Variants in CLEC2L observed in about 807,000 individuals in gnomAD.
CLEC2L encodes C-type lectin domain family 2 member L.
A neutral mutation model predicts 23.6 loss-of-function variants in CLEC2L; 14 were observed. The ratio of observed to expected loss-of-function variants is 0.59; its 90% CI spans 0.39 to 0.93. The LOEUF (loss-of-function observed/expected upper bound fraction) is 0.93, where lower values mean the gene tolerates loss of function less well. Ranked by LOEUF, CLEC2L falls within the 40% of genes least tolerant of loss-of-function variation. CLEC2L has a pLI of 0.00. For missense variants in CLEC2L, 264 were observed against 282.4 expected, an observed-to-expected ratio of 0.93 and a Z score of 0.47; for synonymous variants, 114 against 121.3, an observed-to-expected ratio of 0.94 and a Z score of 0.40.
chr7:139,524,622 C>T (rs1267349340), intron 1 of CLEC2L, among the ~76,000 whole-genome samples: 1 of 152,156 alleles, frequency 6.6e-6, no homozygotes, highest in African/African-American at 2.4e-5. Flanking sequence ...AGAGGCTCTT[C>T]CTTGCAAGGT....
At chr7:139,538,751 AAAAAC>A (rs777508963) in intron 2 of CLEC2L, among the ~76,000 whole-genome samples, 4,606 of 120,574 alleles carry the variant, frequency 0.038, 123 homozygotes, top group Non-Finnish European at 0.057. Flanking sequence ...TCCATCTCAA[AAAAAC>A]AAAACAAAAC....
At position 139,541,974 on chromosome 7, in the gene CLEC2L, C is replaced by T. The variant is rs1037826464; in HGVS notation, c.433-47C>T. ...GTTTGTCTTGGGATGTGACAGCAGT[C>T]AGGAGACCGCATCTGACCCTGAGGT... On this transcript the variant is annotated intron_variant, in intron 3 of 4. Transcript: ENST00000422142. The T allele has an allele frequency of 3.0e-6, 4 of 1,319,148 alleles. No homozygotes were observed. In the African/African-American group the frequency reaches 5.8e-5, roughly 19 times the overall value. 81.7% of individuals were successfully genotyped at this position (1,319,148 alleles called of 1,614,324 possible).
intron 1 of CLEC2L, among the ~76,000 whole-genome samples, chr7:139,524,486 C>T (rs143979217): frequency 5.9e-5 from 9 of 152,226 alleles, no homozygotes; most frequent in Middle Eastern, 3.4e-3. Flanking sequence ...GTCGTGAACA[C>T]GCTTCGAGTA....
At chr7:139,536,408 G>A (rs368254337) in intron 2 of CLEC2L, 60 bp downstream of exon 2, 29 of 1,392,616 alleles carry the variant, frequency 2.1e-5, no homozygotes, top group South Asian at 8.7e-5. Context: ...TTAAAAGCAC[G>A]TCTAATTAGT....
intron 1 of CLEC2L, chr7:139,534,473 A>G (rs1797624677): frequency 1.3e-6 from 1 of 787,096 alleles, no homozygotes; most frequent in Non-Finnish European, 2.3e-6. Flanking sequence ...ATACCCAGAC[A>G]TACCAGCCTT....
chr7:139,540,206 C>T lies in CLEC2L; in HGVS notation c.266-115C>T. 9.8e-7 allele frequency: 1 copy of T among 1,015,348 alleles called. No individual in the cohort carries two copies. Among genetic ancestry groups the T allele is most frequent in the Non-Finnish European group, 1.4e-6 (1 of 693,320 alleles). The allele number at this position is 1,015,348 out of a possible 1,614,324, so 62.9% of individuals were successfully genotyped here. A position where few individuals can be genotyped will look rare whatever the true frequency, so the allele number is the denominator to read the frequency against. Reference sequence around the variant, plus strand: ...TCCAGGCACCAGGAGAGGACAGCCACATCTGCAGTGTCCCTGCAGGACGCC... The same window carrying T: ...TCCAGGCACCAGGAGAGGACAGCCATATCTGCAGTGTCCCTGCAGGACGCC... On this transcript the variant is annotated intron_variant, in intron 2 of 4. Coordinates refer to ENST00000422142, the MANE Select transcript of CLEC2L (RefSeq NM_001080511.4). This position sits in a 1 kb window ranked among gnomAD's most constrained non-coding sequence, Gnocchi z 5.8.
intron 3 of CLEC2L, among the ~76,000 whole-genome samples, 171 bp from the exon 4 acceptor site, chr7:139,541,850 G>A (rs1797739699): frequency 6.6e-6 from 1 of 152,220 alleles, no homozygotes; most frequent in African/African-American, 2.4e-5. Context: ...TGACTGCAGA[G>A]GATCCTGTAA....
At chr7:139,528,932 G>A (rs1471404790) in intron 1 of CLEC2L, among the ~76,000 whole-genome samples, 2 of 152,206 alleles carry the variant, frequency 1.3e-5, no homozygotes, top group Admixed American at 6.5e-5. Context: ...TACATGTACC[G>A]ATCCCTCTTC....
intron 1 of CLEC2L, among the ~76,000 whole-genome samples, chr7:139,532,936 T>A (rs1409341841): frequency 6.6e-6 from 1 of 152,182 alleles, no homozygotes; most frequent in Non-Finnish European, 1.5e-5. Context: ...TCCGATATTG[T>A]CTCATCATGA....
At chr7:139,542,738 G>A (rs1797754998) in intron 4 of CLEC2L, among the ~76,000 whole-genome samples, 1 of 152,200 alleles carries the variant, frequency 6.6e-6, no homozygotes, top group Non-Finnish European at 1.5e-5. Context: ...TAAGACTCAA[G>A]TGGAGTGGAT....
chr7:139,540,436 C>T lies in CLEC2L; in HGVS notation c.381C>T (p.Tyr127=), dbSNP rs1482818860. ...EPRDWNTGRQ[Y]CHTHEAVLAV... is the part of the protein sequence containing the mutation. ...GAGACTGGAACACAGGCAGGCAGTACTGCCACACCCACGAGGCGGTGCTGG... is the reference window on the plus strand; with the variant it reads ...GAGACTGGAACACAGGCAGGCAGTATTGCCACACCCACGAGGCGGTGCTGG... Residue 127 remains tyrosine (Y), a synonymous_variant, in exon 3 of 5, where the codon TAC becomes TAT. Transcript: ENST00000422142. The surrounding 1 kb of genome is among the most constrained non-coding windows in gnomAD (Gnocchi z 5.8). The T allele has an allele frequency of 1.2e-6, 2 of 1,604,924 alleles. No individual in the cohort carries two copies. The highest frequency in any genetic ancestry group is 2.7e-5 in the African/African-American group (2 of 74,746).
At position 139,523,831 on chromosome 7, in the gene CLEC2L, G is replaced by C. The variant is rs1428270309; in HGVS notation, c.-97G>C. 1.2e-6 allele frequency: 1 copy of C among 831,212 alleles called. No individual in the cohort carries two copies. Among genetic ancestry groups the C allele is most frequent in the Non-Finnish European group, 1.4e-6 (1 of 691,592 alleles). The allele number at this position is 831,212 out of a possible 1,614,324, so 51.5% of individuals were successfully genotyped here. A position where few individuals can be genotyped will look rare whatever the true frequency, so the allele number is the denominator to read the frequency against. ...GTCCTAGCCCACCCGAGGCCGGCCT[G>C]GGGGGCCCGCAGGGCGCGCGGAGCG... On this transcript the variant is annotated 5_prime_UTR_variant, in exon 1 of 5. Coordinates refer to ENST00000422142, the MANE Select transcript of CLEC2L (RefSeq NM_001080511.4). This position sits in a 1 kb window ranked among gnomAD's most constrained non-coding sequence, Gnocchi z 4.1.
chr7:139,533,893 A>G (rs1426818224), intron 1 of CLEC2L, among the ~76,000 whole-genome samples: 1 of 152,236 alleles, frequency 6.6e-6, no homozygotes. Flanking sequence ...ATTGAGCTGC[A>G]GAGGCACTGT....
chr7:139,541,990 A>G (rs1797741229), intron 3 of CLEC2L, 31 bp from the exon 4 acceptor site: 1 of 1,495,990 alleles, frequency 6.7e-7, no homozygotes, highest in Non-Finnish European at 9.2e-7. Flanking sequence ...ACCGCATCTG[A>G]CCCTGAGGTG....
chr7:139,536,324 A>C lies in CLEC2L; in HGVS notation c.241A>C (p.Ile81Leu). Reference protein sequence around the residue: ...LGAIAVLLFAILVVMSILASK... With the variant: ...LGAIAVLLFALLVVMSILASK... The stretch of plus-strand genomic sequence containing the variant: ...TGCCATCGCGGTCCTTCTGTTCGCC[A>C]TCTTGGTGGTGATGAGCATCTTGGG... Residue 81 changes from isoleucine (I) to leucine (L), a missense_variant, in exon 2 of 5, where the codon ATC (isoleucine) becomes CTC (leucine). Coordinates refer to ENST00000422142, the MANE Select transcript of CLEC2L (RefSeq NM_001080511.4). 2 of 1,551,186 alleles carry C rather than the reference A, an allele frequency of 1.3e-6. No individual in the cohort carries two copies. The highest frequency in any genetic ancestry group is 2.4e-5 in the South Asian group (2 of 84,000).
intron 1 of CLEC2L, among the ~76,000 whole-genome samples, chr7:139,530,070 G>A (rs1202120236): frequency 6.6e-6 from 1 of 151,440 alleles, no homozygotes; most frequent in African/African-American, 2.4e-5. Context: ...TCTAATCCCA[G>A]CTACTCAGGA....
At chr7:139,526,486 A>G (rs953083051) in intron 1 of CLEC2L, among the ~76,000 whole-genome samples, 1 of 151,946 alleles carries the variant, frequency 6.6e-6, no homozygotes, top group African/African-American at 2.4e-5. Flanking sequence ...TGGCTTTTGT[A>G]TTTGTCTCCA....
intron 1 of CLEC2L, chr7:139,534,307 G>T: frequency 6.8e-7 from 1 of 1,461,458 alleles, no homozygotes; most frequent in Non-Finnish European, 9.6e-7. Context: ...TGCTGACTAC[G>T]AATCTGTGAA....
At position 139,540,535 on chromosome 7, in the gene CLEC2L, C is replaced by T; in HGVS notation, c.432+48C>T. The T allele has an allele frequency of 6.4e-7, 1 of 1,550,848 alleles. No individual in the cohort carries two copies. ...GGTTGGGGGAAGGGACCCTCAGGGC[C>T]CCCAACCTTGACTCTAGGGGACAGC... On this transcript the variant is annotated intron_variant, in intron 3 of 4. Coordinates refer to ENST00000422142, the MANE Select transcript of CLEC2L (RefSeq NM_001080511.4). The surrounding 1 kb of genome is among the most constrained non-coding windows in gnomAD (Gnocchi z 5.8).
Sources: gnomAD v4.1 joint callset for allele counts (sites outside exome capture counted in the v4.1 genomes callset) on GRCh38, gnomAD v4.1.1 for gene constraint, Gnocchi (gnomAD v3.1) non-coding constraint, MANE v1.5 for transcripts, NCBI Gene and HGNC (gene_info 2026-07-23, HGNC 2026-07-21) for gene names.